VRK2: variants seen among roughly 807,000 people sequenced by gnomAD.
The protein encoded by VRK2 is VRK serine/threonine kinase 2.
Under a neutral mutation model 57.6 loss-of-function variants are expected in VRK2, and 60 were observed. The observed-to-expected ratio is 1.04, with a 90% confidence interval of 0.85 to 1.29. The LOEUF is 1.29. VRK2 is among the 50% of genes most tolerant of loss of function. The pLI, the probability that VRK2 is intolerant of heterozygous loss-of-function variation, is 0.00. For missense variants in VRK2, 705 were observed against 588.1 expected, an observed-to-expected ratio of 1.20 and a Z score of -2.06; for synonymous variants, 231 against 199.2, an observed-to-expected ratio of 1.16 and a Z score of -1.35.
intron 2 of VRK2, among the ~76,000 whole-genome samples, chr2:58,031,886 C>T (rs1674121689): frequency 6.6e-6 from 1 of 152,012 alleles, no homozygotes; most frequent in African/African-American, 2.4e-5. Context: ...TATAACAATC[C>T]AAACAACTTT....
At chr2:58,152,016 C>G (rs780767972) in intron 12 of VRK2, among the ~76,000 whole-genome samples, 1 of 151,450 alleles carries the variant, frequency 6.6e-6, no homozygotes, top group Non-Finnish European at 1.5e-5. Flanking sequence ...TCAGCACAAT[C>G]CTGCCTAACA....
At chr2:58,118,167 C>G (rs1676819701) in intron 7 of VRK2, among the ~76,000 whole-genome samples, 1 of 151,634 alleles carries the variant, frequency 6.6e-6, no homozygotes, top group African/African-American at 2.4e-5. Flanking sequence ...GCCCCTCCCC[C>G]AGAAAAGCAG....
In VRK2 at chr2:57,963,445, T is replaced by A. The variant is rs114612418; in HGVS notation, c.-439+55606T>A. 4.9e-3 allele frequency among the ~76,000 whole-genome samples: 739 copies of A among 152,336 alleles called. 8 individuals carry two copies. Among genetic ancestry groups the A allele is most frequent in the African/African-American group, 0.017 (699 of 41,568 alleles). On this transcript the variant is annotated intron_variant, in intron 1 of 15. Transcript: ENST00000417641. ...TTACCATGTTCGGCAAATCCTTAAA[T>A]GACCTCATATTTTAGCATTATTATA...
chr2:58,153,663 CTGT>C (rs1315373452), intron 12 of VRK2, among the ~76,000 whole-genome samples: 1 of 151,980 alleles, frequency 6.6e-6, no homozygotes, highest in East Asian at 1.9e-4. Flanking sequence ...GAGCTGATGT[CTGT>C]TGTTATCTTT....
At chr2:58,120,676 A>T (rs1191687015) in intron 7 of VRK2, among the ~76,000 whole-genome samples, 1 of 152,126 alleles carries the variant, frequency 6.6e-6, no homozygotes, top group African/African-American at 2.4e-5. Context: ...TTAGAGCATT[A>T]ACTTAAGAAT....
intron 1 of VRK2, among the ~76,000 whole-genome samples, chr2:57,914,134 T>C (rs1205287223): frequency 6.6e-5 from 10 of 152,082 alleles, no homozygotes; most frequent in Admixed American, 6.5e-4. Flanking sequence ...TGTCCATTAG[T>C]CAATTAAATA....
At chr2:58,021,838 T>C (rs1572791514) in intron 1 of VRK2, among the ~76,000 whole-genome samples, 1 of 152,280 alleles carries the variant, frequency 6.6e-6, no homozygotes, top group East Asian at 1.9e-4. Flanking sequence ...GCCTGGAAAA[T>C]ATGATTGAAA....
rs1573432801 is a variant in VRK2, at chr2:58,153,177, CTT to C, written c.1183-6170_1183-6169del. On this transcript the variant is annotated intron_variant, in intron 12 of 12. Transcript: ENST00000340157. ...ATGATATGTAACTTGTTGAGAATGG[CTT>C]TGTTTCATTCGTCATCATGCCCTTG... Among the ~76,000 whole-genome samples, 4 of 152,080 alleles carry C rather than the reference CTT, an allele frequency of 2.6e-5. No individual in the cohort carries two copies. The South Asian group carries it at 8.3e-4, about 32-fold the overall frequency.
chr2:58,065,435 A>G (rs1668475288), intron 2 of VRK2, among the ~76,000 whole-genome samples: 1 of 152,032 alleles, frequency 6.6e-6, no homozygotes, highest in Admixed American at 6.6e-5. Flanking sequence ...TTTGAGATTG[A>G]CCCAAGTTGT....
At chr2:57,992,937 A>C (rs1057199825) in intron 1 of VRK2, among the ~76,000 whole-genome samples, 13 of 152,166 alleles carry the variant, frequency 8.5e-5, no homozygotes, top group African/African-American at 3.1e-4. Flanking sequence ...CTGCATTCTG[A>C]TTTCATTTCT....
intron 1 of VRK2, among the ~76,000 whole-genome samples, chr2:57,948,605 G>GT (rs942868254): frequency 6.6e-6 from 1 of 151,614 alleles, no homozygotes; most frequent in Non-Finnish European, 1.5e-5. Context: ...TTAAGTGCTG[G>GT]TAAAAAAAAA....
At position 57,967,549 on chromosome 2, in the gene VRK2, A is replaced by G. The variant is rs376245400; in HGVS notation, c.-438-58116A>G. Reference sequence around the variant, plus strand: ...CAATCTCAGCTTCTAAAGCTTTTCAATAAATCAAGAAAATAAAAATATAAG... The same window carrying G: ...CAATCTCAGCTTCTAAAGCTTTTCAGTAAATCAAGAAAATAAAAATATAAG... On this transcript the variant is annotated intron_variant, in intron 1 of 15. Transcript: ENST00000417641. 3.5e-4 allele frequency among the ~76,000 whole-genome samples: 53 copies of G among 152,214 alleles called. 1 individual carries two copies. In the South Asian group the frequency reaches 0.01, roughly 29 times the overall value.
At chr2:57,946,778 T>C (rs1391704202) in intron 1 of VRK2, among the ~76,000 whole-genome samples, 1 of 152,160 alleles carries the variant, frequency 6.6e-6, no homozygotes, top group East Asian at 1.9e-4. Context: ...ATGAGCCTTC[T>C]GGATGTTTGC....
Position 58,032,243 on chromosome 2 carries a change from T to A in VRK2, c.-332-984T>A, listed in dbSNP as rs145754985. 8.5e-3 allele frequency among the ~76,000 whole-genome samples: 1,296 copies of A among 152,188 alleles called. 22 individuals carry two copies. The highest frequency in any genetic ancestry group is 0.027 in the African/African-American group (1,135 of 41,546). ...TTTAGTTGATCTAAGTGTCCCGGTA[T>A]GTTGTCTTAGTCAGCTCAGGCTGCT... On this transcript the variant is annotated intron_variant, in intron 2 of 15. Transcript: ENST00000417641.
At chr2:58,152,409 T>G (rs569273086) in intron 12 of VRK2, among the ~76,000 whole-genome samples, 33 of 152,064 alleles carry the variant, frequency 2.2e-4, no homozygotes, top group African/African-American at 7.9e-4. Flanking sequence ...ATTGTTGTTA[T>G]ACGTTTTGCT....
At chr2:58,133,455 A>G (rs1011495478) in intron 9 of VRK2, among the ~76,000 whole-genome samples, 1 of 152,198 alleles carries the variant, frequency 6.6e-6, no homozygotes, top group Non-Finnish European at 1.5e-5. Context: ...ATAATACATA[A>G]TCATAATTTA....
chr2:57,940,732 A>G (rs1398314644), intron 1 of VRK2, among the ~76,000 whole-genome samples: 1 of 152,210 alleles, frequency 6.6e-6, no homozygotes, highest in Non-Finnish European at 1.5e-5. Context: ...TACTTCAACT[A>G]AAGAAACAAT....
At chr2:58,126,891 A>C (rs1284254663) in intron 8 of VRK2, among the ~76,000 whole-genome samples, 1 of 152,096 alleles carries the variant, frequency 6.6e-6, no homozygotes, top group Non-Finnish European at 1.5e-5. Flanking sequence ...GCAATATTTG[A>C]ATCAATGTGT....
At chr2:58,107,430 T>C (rs1276303320) in intron 7 of VRK2, among the ~76,000 whole-genome samples, 1 of 152,132 alleles carries the variant, frequency 6.6e-6, no homozygotes, top group Non-Finnish European at 1.5e-5. Context: ...TCTGGAACAA[T>C]TTATGAAGTT....
Sources: gnomAD v4.1 joint callset for allele counts (sites outside exome capture counted in the v4.1 genomes callset) on GRCh38, gnomAD v4.1.1 for gene constraint, MANE v1.5 for transcripts, NCBI Gene and HGNC (gene_info 2026-07-23, HGNC 2026-07-21) for gene names.